The following HIPK3 variants were observed in gnomAD, a reference collection of about 807,000 sequenced individuals.
The protein encoded by HIPK3 is homeodomain interacting protein kinase 3.
A neutral mutation model predicts 124.2 loss-of-function variants in HIPK3; 47 were observed. The ratio of observed to expected loss-of-function variants is 0.38; its 90% CI spans 0.30 to 0.48. HIPK3 has a LOEUF of 0.48. Ranked by LOEUF, HIPK3 falls within the 20% of genes least tolerant of loss-of-function variation. The pLI is 0.98. For synonymous variants in HIPK3, 482 were observed against 515.2 expected, an observed-to-expected ratio of 0.94 and a Z score of 0.87; for missense variants, 1,286 against 1,454.3, an observed-to-expected ratio of 0.88 and a Z score of 1.88.
At chr11:33,338,017 ACT>A (rs927331460) in intron 4 of HIPK3, among the ~76,000 whole-genome samples, 3 of 151,908 alleles carry the variant, frequency 2.0e-5, no homozygotes, top group African/African-American at 4.8e-5. Context: ...AACTTCACTA[ACT>A]CTCTAATTCA....
At chr11:33,259,691 A>T (rs1850773004) in intron 1 of HIPK3, among the ~76,000 whole-genome samples, 2 of 150,800 alleles carry the variant, frequency 1.3e-5, no homozygotes, top group African/African-American at 4.9e-5. Context: ...CTTATTTAAA[A>T]TTTATGTTAA....
intron 2 of HIPK3, among the ~76,000 whole-genome samples, chr11:33,304,692 A>G (rs2025014): frequency 0.66 from 99,749 of 152,134 alleles, 32,938 homozygotes; most frequent in Non-Finnish European, 0.7. Flanking sequence ...ATTATGCTTC[A>G]TTTAACCAGT....
intron 3 of HIPK3, among the ~76,000 whole-genome samples, chr11:33,330,977 A>T (rs979899199): frequency 5.3e-5 from 8 of 151,602 alleles, no homozygotes; most frequent in Non-Finnish European, 1.0e-4. Flanking sequence ...TCCGCCTCAT[A>T]GGTTCAAGCA....
intron 1 of HIPK3, among the ~76,000 whole-genome samples, chr11:33,286,065 T>C (rs1590357960): frequency 1.3e-5 from 2 of 152,126 alleles, no homozygotes; most frequent in East Asian, 3.9e-4. Flanking sequence ...ATCTATACTT[T>C]TCTTTTGAGG....
chr11:33,276,476 A>G (rs954278573), intron 1 of HIPK3, among the ~76,000 whole-genome samples: 2 of 152,192 alleles, frequency 1.3e-5, no homozygotes, highest in East Asian at 1.9e-4. Context: ...GATATTCATT[A>G]TATATAGTTG....
At chr11:33,258,311 A>ATTC (rs1275815054) in intron 1 of HIPK3, 1 of 985,334 alleles carries the variant, frequency 1.0e-6, no homozygotes, top group East Asian at 1.1e-4. Flanking sequence ...CTAGGCCGTA[A>ATTC]CTACGGAGAT....
upstream of HIPK3, chr11:33,257,310 G>GGGCGGTGGCGCTGCGGA (rs1242122518): frequency 1.9e-5 from 19 of 983,482 alleles, no homozygotes; most frequent in South Asian, 4.7e-5. Flanking sequence ...GCTGCCGGGC[G>GGGCGGTGGCGCTGCGGA]GGCGGTGGCG....
At chr11:33,285,567 C>CA (rs10573152) in intron 1 of HIPK3, among the ~76,000 whole-genome samples, 19 of 146,450 alleles carry the variant, frequency 1.3e-4, no homozygotes, top group Admixed American at 3.4e-4. Flanking sequence ...AACTCTGTCT[C>CA]AAAAAAAAAA....
At chr11:33,282,565 C>T (rs1406361889) in intron 1 of HIPK3, among the ~76,000 whole-genome samples, 1 of 152,008 alleles carries the variant, frequency 6.6e-6, no homozygotes, top group African/African-American at 2.4e-5. Flanking sequence ...TGCCTGTAAT[C>T]CCAGCCACTC....
At chr11:33,335,827 A>G (rs946805869) in intron 3 of HIPK3, 1 of 152,118 alleles carries the variant, frequency 6.6e-6, no homozygotes, top group Non-Finnish European at 1.5e-5. Context: ...AGTTTTAGTA[A>G]GAAGGAAGGA....
At position 33,352,165 on chromosome 11, in the gene HIPK3, G is replaced by A; in HGVS notation, c.3071G>A (p.Gly1024Glu). 1 of 1,613,632 alleles carries A rather than the reference G, an allele frequency of 6.2e-7. No homozygotes were observed. The highest frequency in any genetic ancestry group is 8.5e-7 in the Non-Finnish European group (1 of 1,179,614). The change falls in exon 16 of 17, where the codon GGA (glycine) becomes GAA (glutamate). Residue 1024 changes from glycine (G) to glutamate (E), a missense_variant. Physicochemically the swap from Gly to Glu is moderately conservative, Grantham distance 98. Transcript: ENST00000303296. Reference protein sequence around the residue: ...TDSICQPLIKGRSAPGRLNQP... With the variant: ...TDSICQPLIKERSAPGRLNQP... ...TCTATATGCCAGCCATTAATAAAAGGACGATCTGCCCCTGGAAGATTAAAC... is the reference window on the plus strand; with the variant it reads ...TCTATATGCCAGCCATTAATAAAAGAACGATCTGCCCCTGGAAGATTAAAC...
At chr11:33,279,418 T>C (rs995430896) in intron 1 of HIPK3, among the ~76,000 whole-genome samples, 1 of 151,730 alleles carries the variant, frequency 6.6e-6, no homozygotes, top group Admixed American at 6.6e-5. Context: ...AGAAATTTCA[T>C]ATTGGCAAAT....
intron 3 of HIPK3, among the ~76,000 whole-genome samples, chr11:33,335,137 G>A (rs1478948202): frequency 5.3e-5 from 8 of 152,256 alleles, no homozygotes; most frequent in Admixed American, 5.2e-4. Flanking sequence ...AGATCTGGGG[G>A]CAAATCAGTT....
At chr11:33,289,457 T>C (rs1565066269) in intron 2 of HIPK3, among the ~76,000 whole-genome samples, 1 of 151,936 alleles carries the variant, frequency 6.6e-6, no homozygotes, top group Admixed American at 6.6e-5. Context: ...AAAAATAAAG[T>C]GTGTATTAGG....
intron 1 of HIPK3, among the ~76,000 whole-genome samples, chr11:33,285,567 CAA>C (rs10573152): frequency 0.23 from 34,042 of 146,144 alleles, 4,278 homozygotes; most frequent in East Asian, 0.4. Flanking sequence ...AACTCTGTCT[CAA>C]AAAAAAAAAA....
chr11:33,307,764 G>A (rs1300517629), intron 2 of HIPK3, among the ~76,000 whole-genome samples: 2 of 151,764 alleles, frequency 1.3e-5, no homozygotes. Context: ...TGGTGTGTGT[G>A]TGTGTGTGTG....
intron 2 of HIPK3, among the ~76,000 whole-genome samples, chr11:33,298,479 C>G (rs1851902282): frequency 6.6e-6 from 1 of 152,208 alleles, no homozygotes; most frequent in South Asian, 2.1e-4. Context: ...TTTTTACTTT[C>G]AAGTCTCATT....
chr11:33,268,591 C>CAA (rs35408664), intron 1 of HIPK3, among the ~76,000 whole-genome samples: 66 of 75,940 alleles, frequency 8.7e-4, no homozygotes, highest in East Asian at 4.5e-3. Context: ...ACTCCGTCAC[C>CAA]AAAAAAAAAA....
chr11:33,296,072 T>TC (rs780158178), intron 2 of HIPK3, among the ~76,000 whole-genome samples: 9 of 152,194 alleles, frequency 5.9e-5, no homozygotes, highest in East Asian at 1.9e-4. Flanking sequence ...GAGCTTTTTT[T>TC]CCCCCTCCCT....
Sources: gnomAD v4.1 joint callset for allele counts (sites outside exome capture counted in the v4.1 genomes callset) on GRCh38, gnomAD v4.1.1 for gene constraint, MANE v1.5 for transcripts, NCBI Gene and HGNC (gene_info 2026-07-23, HGNC 2026-07-21) for gene names.